Variants in AP4M1 observed in about 807,000 individuals in gnomAD.
AP4M1 encodes adaptor related protein complex 4 subunit mu 1.
Under a neutral mutation model 62.4 loss-of-function variants are expected in AP4M1, and 58 were observed. The observed-to-expected ratio is 0.93, with a 90% confidence interval of 0.75 to 1.16. The LOEUF is 1.16. Ranked by LOEUF, AP4M1 falls within the 50% of genes most tolerant of loss-of-function variation. The pLI is 0.00. For missense variants in AP4M1, 626 were observed against 585.4 expected, an observed-to-expected ratio of 1.07 and a Z score of -0.72; for synonymous variants, 290 against 239.7, an observed-to-expected ratio of 1.21 and a Z score of -1.94.
Position 100,108,370 on chromosome 7 carries a change from C to T in AP4M1, c.*1488C>T, listed in dbSNP as rs147335980. 1.3e-5 allele frequency: 21 copies of T among 1,598,710 alleles called. No homozygotes were observed. The African/African-American group carries it at 1.5e-4, about 11-fold the overall frequency. On this transcript the variant is annotated 3_prime_UTR_variant, in exon 15 of 15. Coordinates refer to ENST00000359593, the MANE Select transcript of AP4M1 (RefSeq NM_004722.4). ...TCCTCCCCACCCGGCCACGGACCTGCGTGATGGTCAGAGTGGTCCTGTTGA... is the reference window on the plus strand; with the variant it reads ...TCCTCCCCACCCGGCCACGGACCTGTGTGATGGTCAGAGTGGTCCTGTTGA...
chr7:100,100,959 T>A, upstream of AP4M1: 1 of 1,043,214 alleles, frequency 9.6e-7, no homozygotes, highest in South Asian at 1.9e-5. Context: ...AAGACTCTCC[T>A]GAGGTCCTGG....
Position 100,108,282 on chromosome 7 carries a change from C to T in AP4M1, c.*1400C>T, listed in dbSNP as rs1324635479. The T allele has an allele frequency of 2.7e-6, 4 of 1,499,480 alleles. No homozygotes were observed. Among genetic ancestry groups the T allele is most frequent in the African/African-American group, 1.4e-5 (1 of 72,190 alleles). 92.9% of individuals were successfully genotyped at this position (1,499,480 alleles called of 1,614,324 possible). ...TTGCCCTGAGACTACTGACTGAGGG[C>T]ACATGTGGCTGTGTGCAAGTGCCTG... On this transcript the variant is annotated 3_prime_UTR_variant, in exon 15 of 15. Coordinates refer to ENST00000359593, the MANE Select transcript of AP4M1 (RefSeq NM_004722.4).
In AP4M1 at chr7:100,104,897, G is replaced by T; in HGVS notation, c.630G>T (p.Val210=). The stretch of plus-strand genomic sequence containing the variant: ...AGGGATCCCTGCTGAAGGTGGATGT[G>T]CAGGGAGAGATTCGGCTCAAGAGCT... The part of the protein sequence containing the change: ...ASNGSLLKVD[V]QGEIRLKSFL... The change falls in exon 8 of 15, where the codon GTG becomes GTT. Residue 210 remains valine, a synonymous_variant. Coordinates refer to ENST00000359593, the MANE Select transcript of AP4M1 (RefSeq NM_004722.4). The T allele has an allele frequency of 6.2e-7, 1 of 1,614,180 alleles. No individual in the cohort carries two copies. The highest frequency in any genetic ancestry group is 8.5e-7 in the Non-Finnish European group (1 of 1,180,012).
chr7:100,108,596 G>C lies in AP4M1; in HGVS notation c.*1714G>C. 3 of 1,541,950 alleles carry C rather than the reference G, an allele frequency of 1.9e-6. No individual in the cohort carries two copies. The Admixed American group carries it at 5.6e-5, about 29-fold the overall frequency. On this transcript the variant is annotated 3_prime_UTR_variant, in exon 15 of 15. Coordinates refer to ENST00000359593, the MANE Select transcript of AP4M1 (RefSeq NM_004722.4). ...GAGGGCTGGGGAAAAAAGCCAGGTA[G>C]AGGGAGGGCTGGTGACACTCTTGAG...
In AP4M1 at chr7:100,103,643, C is replaced by T. The variant is rs1184369953; in HGVS notation, c.494C>T (p.Ala165Val). ...FGAETQQSKV[A>V]PSSAASRPVL... Reference sequence around the variant, plus strand: ...GCTGAGACACAACAGAGCAAAGTGGCCCCCAGCAGTGCAGCCAGCCGCCCC... The same window carrying T: ...GCTGAGACACAACAGAGCAAAGTGGTCCCCAGCAGTGCAGCCAGCCGCCCC... The change falls in exon 6 of 15, where the codon GCC (alanine) becomes GTC (valine). Residue 165 changes from alanine to valine, a missense_variant. Transcript: ENST00000359593. The T allele has an allele frequency of 1.2e-6, 2 of 1,613,710 alleles. No homozygotes were observed. Among genetic ancestry groups the T allele is most frequent in the South Asian group, 1.1e-5 (1 of 91,066 alleles).
chr7:100,101,746 A>C lies in AP4M1; in HGVS notation c.32A>C (p.Lys11Thr). The change falls in exon 1 of 15, where the codon AAG becomes ACG. Residue 11 changes from lysine to threonine, a missense_variant. Coordinates refer to ENST00000359593, the MANE Select transcript of AP4M1 (RefSeq NM_004722.4). ...TCCCAATTCTTCATTCTGTCCTCCA[A>C]GGGGGACCCGCTCATCTACAAAGAC... The part of the protein sequence containing the change: MISQFFILSS[K>T]GDPLIYKDFR... 2.0e-6 allele frequency: 3 copies of C among 1,476,284 alleles called. No individual in the cohort carries two copies. Among genetic ancestry groups the C allele is most frequent in the Non-Finnish European group, 1.8e-6 (2 of 1,092,338 alleles). 91.4% of individuals were successfully genotyped at this position (1,476,284 alleles called of 1,614,324 possible).
rs934721916 is a variant in AP4M1, at chr7:100,106,741, C to G, written c.1221C>G (p.Leu407=). 1.2e-6 allele frequency: 2 copies of G among 1,613,946 alleles called. No individual in the cohort carries two copies. Among genetic ancestry groups the G allele is most frequent in the African/African-American group, 2.7e-5 (2 of 74,954 alleles). The part of the protein sequence containing the change: ...ASPLGLGPAS[L]SFELPRHTCS... The stretch of plus-strand genomic sequence containing the variant: ...CTCTGGGGCTGGGCCCTGCCAGTCT[C>G]TCCTTCGAGCTTCCCCGGCACACGT... The change falls in exon 15 of 15, where the codon CTC becomes CTG. Residue 407 remains leucine, a synonymous_variant. Coordinates refer to ENST00000359593, the MANE Select transcript of AP4M1 (RefSeq NM_004722.4).
rs367786132 is a variant in AP4M1, at chr7:100,107,196, G to C, written c.*314G>C. The C allele has an allele frequency of 2.0e-6, 3 of 1,518,868 alleles. No individual in the cohort carries two copies. The highest frequency in any genetic ancestry group is 2.2e-5 in the Admixed American group (1 of 44,992). The allele number at this position is 1,518,868 out of a possible 1,614,324, so 94.1% of individuals were successfully genotyped here. A position where few individuals can be genotyped will look rare whatever the true frequency, so the allele number is the denominator to read the frequency against. ...CGAGCATGCATGTGTGTACGTGCACGTGTGTACATGTCTGCATGTGTGGGA... is the reference window on the plus strand; with the variant it reads ...CGAGCATGCATGTGTGTACGTGCACCTGTGTACATGTCTGCATGTGTGGGA... On this transcript the variant is annotated 3_prime_UTR_variant, in exon 15 of 15. Transcript: ENST00000359593.
intron 7 of AP4M1, among the ~76,000 whole-genome samples, 185 bp from the exon 8 acceptor site, chr7:100,104,689 C>T (rs1306491441): frequency 6.6e-6 from 1 of 152,004 alleles, no homozygotes; most frequent in Non-Finnish European, 1.5e-5. Context: ...AAATTAGCTA[C>T]TTATGGTGGC....
chr7:100,101,585 G>A, upstream of AP4M1: 1 of 1,025,684 alleles, frequency 9.7e-7, no homozygotes, highest in Non-Finnish European at 1.5e-6. Flanking sequence ...GGTTTCCCGC[G>A]GTCCGAGCTG....
At chr7:100,106,540 TCTC>T in intron 14 of AP4M1, 26 bp downstream of exon 14, 2 of 1,602,470 alleles carry the variant, frequency 1.2e-6, no homozygotes, top group Non-Finnish European at 1.7e-6. Context: ...CCCCAGCCCC[TCTC>T]CTCCCACATT....
chr7:100,101,106 C>A (rs1432839609), upstream of AP4M1: 4 of 888,606 alleles, frequency 4.5e-6, no homozygotes, highest in Non-Finnish European at 6.9e-6. Flanking sequence ...CTTCCCAGGC[C>A]CCGTGGGCCT....
At chr7:100,100,836 G>A, upstream of AP4M1, 1 of 1,005,564 alleles carries the variant, frequency 9.9e-7, no homozygotes. Context: ...ATCCCGGCGC[G>A]CAGCGGCCCC....
intron 2 of AP4M1, 100 bp from the exon 3 acceptor site, chr7:100,102,575 G>C (rs763763900): frequency 1.0e-4 from 104 of 995,112 alleles, no homozygotes; most frequent in African/African-American, 8.6e-4. Context: ...CTGCTGTTGT[G>C]ACTAGTAAGA....
intron 2 of AP4M1, chr7:100,102,237 A>C: frequency 3.3e-6 from 2 of 606,400 alleles, no homozygotes; most frequent in Non-Finnish European, 5.9e-6. Flanking sequence ...AAAAAAAAAA[A>C]AAACATAGCT....
chr7:100,104,988 C>T (rs1562908920), intron 8 of AP4M1, 48 bp downstream of exon 8: 1 of 1,614,100 alleles, frequency 6.2e-7, no homozygotes, highest in Non-Finnish European at 8.5e-7. Flanking sequence ...GGGCGGGTTC[C>T]TTGGTGTCTT....
chr7:100,106,160 A>T, intron 12 of AP4M1, 81 bp from the exon 13 acceptor site: 1 of 1,576,546 alleles, frequency 6.3e-7, no homozygotes, highest in East Asian at 2.2e-5. Flanking sequence ...CCTGTGCTGA[A>T]ATCCTGTTAT....
chr7:100,101,140 G>A (rs1033802328), upstream of AP4M1: 6 of 1,229,178 alleles, frequency 4.9e-6, no homozygotes, highest in African/African-American at 5.9e-5. Flanking sequence ...GCTCGACCCT[G>A]CCTCTGGCCT....
rs1387535024 is a variant in AP4M1, at chr7:100,108,785, C to T, written c.*1903C>T. The T allele has an allele frequency of 8.2e-6, 3 of 367,076 alleles. No homozygotes were observed. Among genetic ancestry groups the T allele is most frequent in the Non-Finnish European group, 1.5e-5 (3 of 203,758 alleles). 22.7% of individuals were successfully genotyped at this position (367,076 alleles called of 1,614,324 possible). A position where few individuals can be genotyped will look rare whatever the true frequency, so the allele number is the denominator to read the frequency against. ...GGTGCAGCATCTTAGGCCTGTATCC[C>T]AGCACTTGGGAGGCTGAGGTGGGTG... On this transcript the variant is annotated 3_prime_UTR_variant, in exon 15 of 15. Transcript: ENST00000359593.
Sources: allele counts gnomAD v4.1 joint callset (sites outside exome capture counted in the v4.1 genomes callset), GRCh38; gene constraint gnomAD v4.1.1; transcripts MANE v1.5; gene names NCBI Gene and HGNC (gene_info 2026-07-23, HGNC 2026-07-21).